The following ITFG1 variants were observed in gnomAD, a reference collection of about 807,000 sequenced individuals.
ITFG1 encodes T-cell immunomodulatory protein.
In ITFG1, 34 loss-of-function variants were observed where a neutral mutation model predicts 81.8. That is an observed-to-expected ratio of 0.42 (90% CI 0.32 to 0.55). The LOEUF is 0.55. ITFG1 is among the 20% of genes least tolerant of loss of function. ITFG1 has a pLI of 0.17. For synonymous variants in ITFG1, 285 were observed against 270.6 expected (o/e 1.05, Z -0.52); for missense variants, 672 against 755.4 (o/e 0.89, Z 1.29).
At chr16:47,229,389 CAT>C (rs979992955) in intron 13 of ITFG1, among the ~76,000 whole-genome samples, 4 of 152,048 alleles carry the variant, frequency 2.6e-5, no homozygotes, top group African/African-American at 9.7e-5. Flanking sequence ...GGTGACAGAA[CAT>C]AGTGGTTCAG....
At chr16:47,171,415 T>C (rs976066592) in intron 14 of ITFG1, among the ~76,000 whole-genome samples, 1 of 152,172 alleles carries the variant, frequency 6.6e-6, no homozygotes, top group Non-Finnish European at 1.5e-5. Context: ...TTTTAGTTAT[T>C]TGCCTTTTCC....
At chr16:47,241,185 A>T (rs1232227365) in intron 12 of ITFG1, among the ~76,000 whole-genome samples, 1 of 152,236 alleles carries the variant, frequency 6.6e-6, no homozygotes, top group Non-Finnish European at 1.5e-5. Flanking sequence ...GAACTCTCAT[A>T]CATTTCTGAT....
At chr16:47,178,237 T>A (rs1004050028) in intron 14 of ITFG1, among the ~76,000 whole-genome samples, 8 of 152,232 alleles carry the variant, frequency 5.3e-5, no homozygotes, top group African/African-American at 1.9e-4. Context: ...AATCTTCTCC[T>A]GGCCTGTTCA....
chr16:47,270,053 A>C (rs1003475429), intron 10 of ITFG1, among the ~76,000 whole-genome samples: 1 of 152,184 alleles, frequency 6.6e-6, no homozygotes, highest in Non-Finnish European at 1.5e-5. Context: ...ATGGTGTTGG[A>C]ACAATTTACA....
In ITFG1 at chr16:47,454,074, G is replaced by T; in HGVS notation, c.366C>A (p.Pro122=). The T allele has an allele frequency of 6.2e-7, 1 of 1,608,346 alleles. No individual in the cohort carries two copies. The highest frequency in any genetic ancestry group is 8.5e-7 in the Non-Finnish European group (1 of 1,175,144). Reference sequence around the variant, plus strand: ...CTAATTCACTCTTGGCATAATTTTTGGGAAGATATGTCAGAAGGACATCCA... The same window carrying T: ...CTAATTCACTCTTGGCATAATTTTTTGGAAGATATGTCAGAAGGACATCCA... ...SQMDVLLTYL[P]KNYAKSELGA... The change falls in exon 3 of 18, where the codon CCC becomes CCA. Residue 122 remains proline, a synonymous_variant. Transcript: ENST00000320640.
intron 13 of ITFG1, among the ~76,000 whole-genome samples, chr16:47,220,118 G>A (rs1010888609): frequency 6.6e-6 from 1 of 152,186 alleles, no homozygotes; most frequent in Admixed American, 6.5e-5. Context: ...TGTCTGATAT[G>A]AGTTGTAAAG....
At chr16:47,233,027 G>A in intron 13 of ITFG1, among the ~76,000 whole-genome samples, 1 of 152,108 alleles carries the variant, frequency 6.6e-6, no homozygotes, top group East Asian at 1.9e-4. Flanking sequence ...AGCAATAAAT[G>A]ACACACCAGA....
intron 10 of ITFG1, among the ~76,000 whole-genome samples, chr16:47,267,366 A>G (rs1471339238): frequency 6.6e-6 from 1 of 152,222 alleles, no homozygotes; most frequent in African/African-American, 2.4e-5. Context: ...AGAGAACATA[A>G]GAATCCTAAA....
intron 5 of ITFG1, chr16:47,449,508 T>C (rs1382747816): frequency 2.0e-5 from 3 of 152,238 alleles, no homozygotes; most frequent in Non-Finnish European, 4.4e-5. Context: ...ACTACAGTCA[T>C]TCTAAACAAT....
intron 10 of ITFG1, among the ~76,000 whole-genome samples, chr16:47,306,909 A>G (rs190888522): frequency 6.6e-6 from 1 of 151,934 alleles, no homozygotes; most frequent in Admixed American, 6.5e-5. Flanking sequence ...CCTGGCTAAC[A>G]TGGTGAAATC....
chr16:47,449,585 A>T (rs1019568948), intron 5 of ITFG1: 1 of 152,220 alleles, frequency 6.6e-6, no homozygotes, highest in African/African-American at 2.4e-5. Flanking sequence ...CAAACTTATC[A>T]CTTAGATATG....
chr16:47,268,894 G>A (rs1340870431), intron 10 of ITFG1, among the ~76,000 whole-genome samples: 5 of 151,866 alleles, frequency 3.3e-5, no homozygotes, highest in Admixed American at 6.5e-5. Context: ...TTTAACAAAC[G>A]AAAAAAAGGA....
At chr16:47,315,346 G>C (rs1260049432) in intron 8 of ITFG1, among the ~76,000 whole-genome samples, 1 of 151,606 alleles carries the variant, frequency 6.6e-6, no homozygotes, top group African/African-American at 2.4e-5. Context: ...AGCTAGCCAA[G>C]TAAGAAAGAA....
chr16:47,329,830 C>A (rs562135133), intron 8 of ITFG1, among the ~76,000 whole-genome samples: 1 of 152,194 alleles, frequency 6.6e-6, no homozygotes, highest in Non-Finnish European at 1.5e-5. Flanking sequence ...AGGCAGCCTG[C>A]GTCGAGAGCC....
chr16:47,346,020 AC>A (rs1194124816), intron 8 of ITFG1, among the ~76,000 whole-genome samples: 1 of 152,194 alleles, frequency 6.6e-6, no homozygotes, highest in Non-Finnish European at 1.5e-5. Context: ...AACAAAACAG[AC>A]CTAACAGATA....
chr16:47,205,891 A>T (rs1965492565), intron 14 of ITFG1, among the ~76,000 whole-genome samples: 1 of 137,330 alleles, frequency 7.3e-6, no homozygotes, highest in African/African-American at 2.7e-5. Context: ...TATCTATCTG[A>T]GTCTAACTTT....
chr16:47,409,387 TA>T (rs1567490137), intron 6 of ITFG1, among the ~76,000 whole-genome samples: 248 of 14,586 alleles, frequency 0.017, 4 homozygotes, highest in Non-Finnish European at 0.027. Flanking sequence ...TATATATATA[TA>T]TATATATATA....
rs1216848712 is a variant in ITFG1, at chr16:47,404,283, A to G, written c.655+24521T>C. ...ATGGCAAGACTTGATAAGTTAAAAG[A>G]AATATACATAACACATAAGAGAGTA... On this transcript the variant is annotated intron_variant, in intron 6 of 17. Coordinates refer to ENST00000320640, the MANE Select transcript of ITFG1 (RefSeq NM_030790.5). 2.6e-5 allele frequency among the ~76,000 whole-genome samples: 4 copies of G among 152,216 alleles called. No individual in the cohort carries two copies. The East Asian group carries it at 7.7e-4, about 29-fold the overall frequency.
At chr16:47,420,459 T>C (rs1968931082) in intron 6 of ITFG1, among the ~76,000 whole-genome samples, 1 of 152,172 alleles carries the variant, frequency 6.6e-6, no homozygotes. Flanking sequence ...ATTAATGTAC[T>C]GGATGGAGTC....
Sources: allele counts gnomAD v4.1 joint callset (sites outside exome capture counted in the v4.1 genomes callset), GRCh38; gene constraint gnomAD v4.1.1; transcripts MANE v1.5; gene names NCBI Gene and HGNC (gene_info 2026-07-23, HGNC 2026-07-21).